Variants in GABRA2 observed in about 807,000 individuals in gnomAD.
The protein encoded by GABRA2 is gamma-aminobutyric acid receptor subunit alpha-2.
A neutral mutation model predicts 48.7 loss-of-function variants in GABRA2; 16 were observed. The observed-to-expected ratio is 0.33, with a 90% CI of 0.22 to 0.50. The LOEUF is 0.50. GABRA2 is among the 20% of genes least tolerant of loss of function. GABRA2 has a pLI of 0.98. For synonymous variants in GABRA2, 185 were observed against 184.5 expected, an observed-to-expected ratio of 1.00 and a Z score of -0.02; for missense variants, 275 against 535.6, an observed-to-expected ratio of 0.51 and a Z score of 4.80.
intron 6 of GABRA2, among the ~76,000 whole-genome samples, chr4:46,306,561 C>G (rs546680990): frequency 1.3e-5 from 2 of 152,228 alleles, no homozygotes; most frequent in African/African-American, 2.4e-5. Context: ...AGTCCCTCCA[C>G]AGTTGAGTAA....
intron 4 of GABRA2, among the ~76,000 whole-genome samples, chr4:46,314,877 C>A (rs1020429860): frequency 6.6e-6 from 1 of 151,704 alleles, no homozygotes. Context: ...TTTTCTTTAT[C>A]CAATCTGTCA....
chr4:46,367,597 C>T (rs1714244155), intron 3 of GABRA2: 1 of 152,088 alleles, frequency 6.6e-6, no homozygotes, highest in South Asian at 2.1e-4. Flanking sequence ...TGCCTTCTAA[C>T]ACCAAGAAAA....
At chr4:46,363,289 A>C (rs968105697) in intron 3 of GABRA2, among the ~76,000 whole-genome samples, 5 of 152,202 alleles carry the variant, frequency 3.3e-5, no homozygotes, top group African/African-American at 1.2e-4. Flanking sequence ...GGCGATAAGT[A>C]AGCATTAACG....
rs2109691318 is a variant in GABRA2 at position 46,312,493 on chromosome 4, T to C, written c.476+3A>G. The C allele has an allele frequency of 6.3e-7, 1 of 1,592,478 alleles. No individual in the cohort carries two copies. The highest frequency in any genetic ancestry group is 8.6e-7 in the Non-Finnish European group (1 of 1,163,302). On this transcript the variant is annotated splice_donor_region_variant and intron_variant, in intron 5 of 9. Transcript: ENST00000381620. ...ATACATCACATCAAACCTAAAAACA[T>C]ACCTCATGGTATACAGCAGAGTCCC... is the stretch of plus-strand genomic sequence containing the variant.
At chr4:46,374,989 A>G (rs1264305354) in intron 3 of GABRA2, among the ~76,000 whole-genome samples, 1 of 152,130 alleles carries the variant, frequency 6.6e-6, no homozygotes, top group African/African-American at 2.4e-5. Flanking sequence ...ACCATTTTCA[A>G]TTTTTAACAT....
intron 2 of GABRA2, among the ~76,000 whole-genome samples, chr4:46,388,273 G>A (rs1275827889): frequency 6.6e-6 from 1 of 152,018 alleles, no homozygotes; most frequent in African/African-American, 2.4e-5. Flanking sequence ...AAATCACTTA[G>A]CTGGTACTTT....
chr4:46,300,450 C>T (rs1725541327), intron 8 of GABRA2, among the ~76,000 whole-genome samples: 2 of 151,860 alleles, frequency 1.3e-5, no homozygotes, highest in African/African-American at 4.8e-5. Flanking sequence ...AGATTCTGTC[C>T]TCTAATCTCA....
intron 4 of GABRA2, among the ~76,000 whole-genome samples, chr4:46,320,708 A>T (rs1245160006): frequency 6.6e-6 from 1 of 151,876 alleles, no homozygotes; most frequent in Non-Finnish European, 1.5e-5. Flanking sequence ...ATCACCTCAC[A>T]CCTGTTAGGA....
At chr4:46,381,043 T>C (rs1440075049) in intron 3 of GABRA2, among the ~76,000 whole-genome samples, 1 of 152,190 alleles carries the variant, frequency 6.6e-6, no homozygotes, top group Non-Finnish European at 1.5e-5. Context: ...TGGTTCTAAC[T>C]AGCCAACCTC....
chr4:46,314,699 A>G (rs1411918198), intron 4 of GABRA2, among the ~76,000 whole-genome samples: 1 of 151,958 alleles, frequency 6.6e-6, no homozygotes, highest in African/African-American at 2.4e-5. Context: ...TGAGTACCCA[A>G]TGTTTAGCTC....
rs1243787049 is a variant in GABRA2, at chr4:46,312,641, G to A, written c.331C>T (p.Leu111Phe). The change falls in exon 5 of 10, where the codon CTT becomes TTT. Residue 111 changes from leucine to phenylalanine, a missense_variant. Physicochemically the swap from Leu to Phe is conservative, Grantham distance 22. Coordinates refer to ENST00000381620, the MANE Select transcript of GABRA2 (RefSeq NM_000807.4). ...CTAGCCATTAAATTGTTTAGTCGAA[G>A]GATATTCATAGGACCTTTAAATTTT... Reference protein sequence around the residue: ...RLKFKGPMNILRLNNLMASKI... With the variant: ...RLKFKGPMNIFRLNNLMASKI... 2 of 1,551,370 alleles carry A rather than the reference G, an allele frequency of 1.3e-6. No individual in the cohort carries two copies. The highest frequency in any genetic ancestry group is 1.7e-6 in the Non-Finnish European group (2 of 1,153,870).
At chr4:46,261,088 AGAT>A (rs537706829) in intron 9 of GABRA2, 6 of 152,034 alleles carry the variant, frequency 3.9e-5, no homozygotes, top group Non-Finnish European at 8.8e-5. Flanking sequence ...TTAAGAATAT[AGAT>A]GATTATGATA....
Position 46,250,473 on chromosome 4 carries a change from G to A in GABRA2, c.1191C>T (p.Asn397=), listed in dbSNP as rs772937785. The A allele has an allele frequency of 1.7e-5, 28 of 1,612,172 alleles. No individual in the cohort carries two copies. The highest frequency in any genetic ancestry group is 2.3e-5 in the Non-Finnish European group (27 of 1,178,714). ...CAGCTGGCTTGTTTTCTGGCTTCTT[G>A]TTGGGTTCTGGCGTGGTTGCACTCT... ...ISKSATTPEP[N]KKPENKPAEA... is the part of the protein sequence containing the mutation. The change falls in exon 10 of 10, where the codon AAC becomes AAT. Residue 397 remains asparagine (N), a synonymous_variant. Coordinates refer to ENST00000381620, the MANE Select transcript of GABRA2 (RefSeq NM_000807.4).
rs143305091 is a variant in GABRA2 at position 46,292,865 on chromosome 4, T to C, written c.856+10595A>G. ...GATTTGTGAGGGCAGCACCTCCATC[T>C]TTGAAGAGCCCTGTAATTGCTCTTC... On this transcript the variant is annotated intron_variant, in intron 8 of 9. Transcript: ENST00000381620. 7.6e-3 allele frequency among the ~76,000 whole-genome samples: 1,153 copies of C among 152,308 alleles called. 15 individuals are homozygous for C. The highest frequency in any genetic ancestry group is 0.026 in the African/African-American group (1,084 of 41,556).
At chr4:46,368,058 G>A (rs575240622) in intron 3 of GABRA2, 4 of 152,220 alleles carry the variant, frequency 2.6e-5, no homozygotes, top group South Asian at 2.1e-4. Context: ...CAATGTTTTA[G>A]GTGGTGGAAG....
intron 3 of GABRA2, among the ~76,000 whole-genome samples, chr4:46,333,425 C>A (rs571993908): frequency 2.0e-5 from 3 of 151,814 alleles, no homozygotes; most frequent in Admixed American, 1.3e-4. Flanking sequence ...AAAGAAAGAT[C>A]AAAAAACAAA....
intron 3 of GABRA2, among the ~76,000 whole-genome samples, chr4:46,361,961 C>T (rs1323704276): frequency 6.6e-6 from 1 of 152,136 alleles, no homozygotes; most frequent in Non-Finnish European, 1.5e-5. Flanking sequence ...TATGCCTGTA[C>T]CCACTATTGT....
intron 3 of GABRA2, among the ~76,000 whole-genome samples, chr4:46,349,016 G>A (rs1233601634): frequency 1.3e-5 from 2 of 151,972 alleles, no homozygotes; most frequent in Admixed American, 1.3e-4. Context: ...ACAACATTCA[G>A]TCAAGACCCT....
chr4:46,301,765 G>T (rs1445317147), intron 8 of GABRA2, among the ~76,000 whole-genome samples: 1 of 152,054 alleles, frequency 6.6e-6, no homozygotes, highest in African/African-American at 2.4e-5. Context: ...TACCCTTCCT[G>T]GTTATATGGT....
Sources: allele counts gnomAD v4.1 joint callset (sites outside exome capture counted in the v4.1 genomes callset), GRCh38; gene constraint gnomAD v4.1.1; transcripts MANE v1.5; gene names NCBI Gene and HGNC (gene_info 2026-07-23, HGNC 2026-07-21).